The following TENM3 variants were observed in gnomAD, a reference collection of about 807,000 sequenced individuals.
TENM3 encodes teneurin-3.
A neutral mutation model predicts 255.1 loss-of-function variants in TENM3; 63 were observed. The observed-to-expected ratio is 0.25, with a 90% CI of 0.20 to 0.30. TENM3 has a LOEUF of 0.30. TENM3 is among the 10% of genes least tolerant of loss of function. TENM3 has a pLI of 1.00. For synonymous variants in TENM3, 1,306 were observed against 1,322.3 expected (o/e 0.99, Z 0.27); for missense variants, 2,929 against 3,461.1 (o/e 0.85, Z 3.86).
intron 3 of TENM3, among the ~76,000 whole-genome samples, chr4:182,478,018 A>G (rs1733841395): frequency 1.3e-5 from 2 of 151,824 alleles, no homozygotes; most frequent in Admixed American, 6.6e-5. Context: ...TTTTACACAT[A>G]GTGAGAACTG....
chr4:182,100,418 A>G, the TENM3 span, among the ~76,000 whole-genome samples: 3 of 136,852 alleles, frequency 2.2e-5, no homozygotes, highest in Non-Finnish European at 4.7e-5. Flanking sequence ...CCTCGGTAAC[A>G]TGGCAAAACT....
At chr4:181,654,195 CG>C in the TENM3 span, among the ~76,000 whole-genome samples, 1 of 148,022 alleles carries the variant, frequency 6.8e-6, no homozygotes, top group African/African-American at 2.5e-5. Flanking sequence ...CAATTCTATG[CG>C]ATAAACCTTC....
chr4:182,448,296 T>C (rs1773099990), intron 3 of TENM3, among the ~76,000 whole-genome samples: 1 of 152,084 alleles, frequency 6.6e-6, no homozygotes, highest in Non-Finnish European at 1.5e-5. Flanking sequence ...GCTGAGCTGG[T>C]CCCTGCTGCG....
chr4:181,449,856 T>C, the TENM3 span, among the ~76,000 whole-genome samples: 2 of 152,178 alleles, frequency 1.3e-5, no homozygotes, highest in African/African-American at 4.8e-5. Flanking sequence ...TTGTTTGGTA[T>C]TTGGACACCC....
At chr4:181,491,071 T>C in the TENM3 span, among the ~76,000 whole-genome samples, 1 of 152,118 alleles carries the variant, frequency 6.6e-6, no homozygotes, top group Non-Finnish European at 1.5e-5. Context: ...AAATACCTTC[T>C]GAGACTTCGT....
chr4:182,169,191 A>G (rs1028970186), intron 1 of TENM3: 8 of 457,358 alleles, frequency 1.7e-5, no homozygotes, highest in African/African-American at 8.1e-5. Flanking sequence ...AGATTAATTC[A>G]TAAACCAAGT....
At chr4:182,361,515 C>T in intron 3 of TENM3, among the ~76,000 whole-genome samples, 1 of 152,198 alleles carries the variant, frequency 6.6e-6, no homozygotes, top group Non-Finnish European at 1.5e-5. Flanking sequence ...ATCGCATCGG[C>T]TCCTGAGGCT....
At chr4:182,577,905 G>T (rs1745091484) in intron 3 of TENM3, among the ~76,000 whole-genome samples, 1 of 152,044 alleles carries the variant, frequency 6.6e-6, no homozygotes, top group Non-Finnish European at 1.5e-5. Flanking sequence ...CTCCTGAGGA[G>T]GATTCCCATT....
At chr4:181,457,652 T>C in the TENM3 span, among the ~76,000 whole-genome samples, 7 of 151,916 alleles carry the variant, frequency 4.6e-5, no homozygotes, top group South Asian at 1.0e-3. Flanking sequence ...TAGGAAGACA[T>C]GGTAGATAGT....
chr4:181,571,603 A>G, the TENM3 span, among the ~76,000 whole-genome samples: 2 of 152,130 alleles, frequency 1.3e-5, no homozygotes, highest in Non-Finnish European at 2.9e-5. Flanking sequence ...CTTCCAAAGC[A>G]CTGGGATTAC....
chr4:181,721,161 G>A, the TENM3 span, among the ~76,000 whole-genome samples: 4 of 151,930 alleles, frequency 2.6e-5, no homozygotes, highest in Non-Finnish European at 4.4e-5. Context: ...CAAAGGCAGA[G>A]AGGCAAGAAG....
chr4:182,715,456 G>A (rs774062057), intron 13 of TENM3, among the ~76,000 whole-genome samples: 7 of 152,122 alleles, frequency 4.6e-5, no homozygotes, highest in East Asian at 1.9e-4. Flanking sequence ...CTCAATTGCC[G>A]CATCTATAAA....
the TENM3 span, among the ~76,000 whole-genome samples, chr4:181,871,442 T>A: frequency 3.3e-5 from 5 of 152,054 alleles, no homozygotes; most frequent in African/African-American, 4.8e-5. Flanking sequence ...AGTTTAGAGC[T>A]CTCTAGTAGA....
chr4:181,474,166 G>C, the TENM3 span, among the ~76,000 whole-genome samples: 3 of 151,916 alleles, frequency 2.0e-5, no homozygotes, highest in Non-Finnish European at 4.4e-5. Context: ...GGCCTGTAGG[G>C]GGATGGGGAG....
chr4:182,021,280 T>A, the TENM3 span, among the ~76,000 whole-genome samples: 1 of 152,208 alleles, frequency 6.6e-6, no homozygotes, highest in Admixed American at 6.5e-5. Context: ...CATGTACATA[T>A]ACACTGTATA....
chr4:182,730,472 T>G (rs531110993), intron 15 of TENM3, among the ~76,000 whole-genome samples, 153 bp downstream of exon 15: 1 of 152,230 alleles, frequency 6.6e-6, no homozygotes, highest in African/African-American at 2.4e-5. Context: ...TGGCAGAGAT[T>G]TAAAGTCATA....
intron 4 of TENM3, among the ~76,000 whole-genome samples, chr4:182,617,086 G>T (rs1317893444): frequency 6.6e-6 from 1 of 152,132 alleles, no homozygotes; most frequent in Non-Finnish European, 1.5e-5. Context: ...TAAAGATTAT[G>T]ATAAAAACAG....
chr4:182,746,053 A>T (rs1466130154), intron 19 of TENM3, among the ~76,000 whole-genome samples: 2 of 152,216 alleles, frequency 1.3e-5, no homozygotes, highest in Non-Finnish European at 2.9e-5. Flanking sequence ...ACATGAAATC[A>T]ATCAGCGTTA....
chr4:181,494,377 C>T, the TENM3 span, among the ~76,000 whole-genome samples: 7 of 152,130 alleles, frequency 4.6e-5, no homozygotes, highest in African/African-American at 1.7e-4. Flanking sequence ...CTCCGCCTCC[C>T]GGGTTCAAGT....
Sources: gnomAD v4.1 joint callset for allele counts (sites outside exome capture counted in the v4.1 genomes callset) on GRCh38, gnomAD v4.1.1 for gene constraint, MANE v1.5 for transcripts, NCBI Gene and HGNC (gene_info 2026-07-23, HGNC 2026-07-21) for gene names.